Variants in INPP5E observed in about 807,000 individuals in gnomAD.
INPP5E encodes inositol polyphosphate-5-phosphatase E, also known as phosphatidylinositol polyphosphate 5-phosphatase type IV.
INPP5E carries 34 observed loss-of-function variants against 50.5 expected under a neutral mutation model. The observed-to-expected ratio is 0.67, with a 90% CI of 0.51 to 0.90. The LOEUF (loss-of-function observed/expected upper bound fraction) is 0.90, where lower values mean the gene tolerates loss of function less well. INPP5E is among the 40% of genes least tolerant of loss of function. INPP5E has a pLI of 0.00. For missense variants in INPP5E, 942 were observed against 905.5 expected (o/e 1.04, Z -0.52); for synonymous variants, 447 against 406.0 (o/e 1.10, Z -1.21).
At chr9:136,437,974 C>G in intron 1 of INPP5E, 1 of 158,238 alleles carries the variant, frequency 6.3e-6, no homozygotes, top group Non-Finnish European at 1.4e-5. Context: ...CTCAACACAT[C>G]TGGGGCCTCT....
At chr9:136,438,503 T>A in intron 1 of INPP5E, 105 bp downstream of exon 1, 2 of 1,013,682 alleles carry the variant, frequency 2.0e-6, no homozygotes, top group Non-Finnish European at 3.0e-6. Flanking sequence ...TCTTTCCGGT[T>A]AGGCATCTTA....
intron 9 of INPP5E, 43 bp downstream of exon 9, chr9:136,430,234 G>A (rs202207991): frequency 8.8e-5 from 136 of 1,549,898 alleles, no homozygotes; most frequent in Middle Eastern, 3.4e-4. Context: ...ACGACGGCAC[G>A]ACCCCCAGGC....
chr9:136,432,582 A>G lies in INPP5E; in HGVS notation c.1284T>C (p.Gly428=), dbSNP rs10870194. 0.44 allele frequency: 675,953 copies of G among 1,540,556 alleles called. 151,687 individuals are homozygous for G. The highest frequency in any genetic ancestry group is 0.55 in the Admixed American group (28,271 of 50,976). Residue 428 remains glycine (G), a synonymous_variant, in exon 6 of 10, where the codon GGT becomes GGC. Coordinates refer to ENST00000371712, the MANE Select transcript of INPP5E (RefSeq NM_019892.6). The part of the protein sequence containing the change: ...FLFITSHFTS[G]DGKVAERLLD... ...GCAGCCGCTCCGCCACCTTCCCGTCACCTGCTGTGGGAACAGAAATGGGGT... is the reference window on the plus strand; with the variant it reads ...GCAGCCGCTCCGCCACCTTCCCGTCGCCTGCTGTGGGAACAGAAATGGGGT...
At chr9:136,438,439 C>T in intron 1 of INPP5E, 169 bp downstream of exon 1, 1 of 662,450 alleles carries the variant, frequency 1.5e-6, no homozygotes, top group Non-Finnish European at 2.7e-6. Context: ...CTGGGAAGGG[C>T]GCTGCTGTGG....
chr9:136,432,716 C>T (rs1482350440), intron 5 of INPP5E, 130 bp from the exon 6 acceptor site: 12 of 894,618 alleles, frequency 1.3e-5, no homozygotes, highest in Non-Finnish European at 1.8e-5. Flanking sequence ...CATCCGCTGC[C>T]GGGCCCAGCC....
Position 136,429,383 on chromosome 9 carries a change from C to G in INPP5E, c.*292G>C, listed in dbSNP as rs760676645. The G allele has an allele frequency of 5.8e-6, 3 of 515,904 alleles. No individual in the cohort carries two copies. The highest frequency in any genetic ancestry group is 1.1e-5 in the Non-Finnish European group (3 of 283,640). The allele number at this position is 515,904 out of a possible 1,614,324, so 32.0% of individuals were successfully genotyped here. On this transcript the variant is annotated 3_prime_UTR_variant, in exon 10 of 10. Coordinates refer to ENST00000371712, the MANE Select transcript of INPP5E (RefSeq NM_019892.6). ...AGGAACGGATTCTGACGTCTGCCCC[C>G]GAGAGTGGCTGGGGTCCGTGGTGCT...
At chr9:136,436,997 G>A (rs903572065) in intron 1 of INPP5E, 2 of 152,332 alleles carry the variant, frequency 1.3e-5, no homozygotes, top group South Asian at 2.1e-4. Flanking sequence ...TACGTCAACC[G>A]GATCTAATTT....
chr9:136,433,136 C>T lies in INPP5E; in HGVS notation c.1159+19G>A. 6.2e-7 allele frequency: 1 copy of T among 1,609,794 alleles called. No individual in the cohort carries two copies. The highest frequency in any genetic ancestry group is 8.5e-7 in the Non-Finnish European group (1 of 1,179,788). ...CGCTGCCACCTTCCAGCCGCGCCCA[C>T]CCCTCCAGCCGCGCCCACCTGAGCA... On this transcript the variant is annotated intron_variant, in intron 4 of 9. Transcript: ENST00000371712.
intron 1 of INPP5E, 113 bp from the exon 2 acceptor site, chr9:136,434,976 A>C (rs910043968): frequency 1.2e-5 from 16 of 1,344,522 alleles, no homozygotes; most frequent in Non-Finnish European, 1.7e-5. Flanking sequence ...AGCTGCCCCC[A>C]GCCCCAAGCA....
At position 136,432,796 on chromosome 9, in the gene INPP5E, G is replaced by A. The variant is rs75696203; in HGVS notation, c.1279+160C>T. ...CACGCCCTCGGTGCCGGGGTCTGCC[G>A]GGGGTCCTTGGCGTGCATCTTAGCA... On this transcript the variant is annotated intron_variant, in intron 5 of 9. Transcript: ENST00000371712. 6.7e-3 allele frequency among the ~76,000 whole-genome samples: 1,015 copies of A among 152,252 alleles called. 12 individuals carry two copies. The highest frequency in any genetic ancestry group is 0.023 in the African/African-American group (954 of 41,560).
intron 8 of INPP5E, among the ~76,000 whole-genome samples, chr9:136,430,772 G>A (rs1385200636): frequency 2.0e-5 from 3 of 152,168 alleles, no homozygotes; most frequent in African/African-American, 4.8e-5. Flanking sequence ...GGCCGGAGGC[G>A]AGGGCATGGC....
chr9:136,434,974 C>A (rs983319628), intron 1 of INPP5E, 111 bp from the exon 2 acceptor site: 54 of 1,368,958 alleles, frequency 3.9e-5, no homozygotes, highest in Non-Finnish European at 5.1e-5. Flanking sequence ...GGAGCTGCCC[C>A]CAGCCCCAAG....
In INPP5E at chr9:136,430,383, C is replaced by T. The variant is rs1835671834; in HGVS notation, c.1696G>A (p.Gly566Ser). 6.4e-7 allele frequency: 1 copy of T among 1,557,498 alleles called. No individual in the cohort carries two copies. Among genetic ancestry groups the T allele is most frequent in the Non-Finnish European group, 8.7e-7 (1 of 1,149,620 alleles). The change falls in exon 9 of 10, where the codon GGT becomes AGT. Residue 566 changes from glycine (G) to serine (S), a missense_variant. Coordinates refer to ENST00000371712, the MANE Select transcript of INPP5E (RefSeq NM_019892.6). The part of the protein sequence containing the change: ...DRVLYRSRHK[G>S]DICPVSYSSC... ...GAGTAGCTCACAGGACAGATGTCAC[C>T]CTTGTGGCGGCTTCTGTACAAGACG...
At chr9:136,433,998 G>C in intron 3 of INPP5E, 39 bp downstream of exon 3, 1 of 1,509,488 alleles carries the variant, frequency 6.6e-7, no homozygotes, top group Middle Eastern at 1.9e-4. Context: ...AGAGACGGCA[G>C]CCCCTGGGCA....
chr9:136,438,782 T>A lies in INPP5E; in HGVS notation c.638A>T (p.Asp213Val). ...SDSLRTANKV[D>V]SDLADYKLRA... ...GAGCTTGTAGTCTGCAAGATCCGAG[T>A]CGACCTTGTTTGCTGTCCTCAGGGA... The change falls in exon 1 of 10, where the codon GAC becomes GTC. Residue 213 changes from aspartate to valine, a missense_variant. Physicochemically the swap from Asp to Val is radical, Grantham distance 152. Coordinates refer to ENST00000371712, the MANE Select transcript of INPP5E (RefSeq NM_019892.6). The A allele has an allele frequency of 6.2e-7, 1 of 1,612,058 alleles. No homozygotes were observed. Among genetic ancestry groups the A allele is most frequent in the Non-Finnish European group, 8.5e-7 (1 of 1,179,670 alleles).
chr9:136,433,361 G>A (rs1175403074), intron 3 of INPP5E, 82 bp from the exon 4 acceptor site: 70 of 1,492,612 alleles, frequency 4.7e-5, no homozygotes, highest in Admixed American at 1.1e-4. Context: ...AGAGCCCCTC[G>A]AGGAGCTACC....
At chr9:136,433,316 G>A in intron 3 of INPP5E, 37 bp from the exon 4 acceptor site, 1 of 1,551,726 alleles carries the variant, frequency 6.4e-7, no homozygotes, top group Admixed American at 1.9e-5. Flanking sequence ...GGGGGACATG[G>A]CCTCCCAGCT....
chr9:136,439,687 G>C lies in INPP5E; in HGVS notation c.-268C>G, dbSNP rs1835954403. The C allele has an allele frequency of 3.1e-6, 1 of 324,484 alleles. No homozygotes were observed. Among genetic ancestry groups the C allele is most frequent in the East Asian group, 4.8e-5 (1 of 20,864 alleles). 20.1% of individuals were successfully genotyped at this position (324,484 alleles called of 1,614,324 possible). Reference sequence around the variant, plus strand: ...AACAGGCGGCTGGGCGCCTGTCGCGGGGGAGGTTCGACCCCGACGGGGACG... The same window carrying C: ...AACAGGCGGCTGGGCGCCTGTCGCGCGGGAGGTTCGACCCCGACGGGGACG... On this transcript the variant is annotated 5_prime_UTR_variant, in exon 1 of 10. Coordinates refer to ENST00000371712, the MANE Select transcript of INPP5E (RefSeq NM_019892.6).
rs1477926483 is a variant in INPP5E at position 136,439,388 on chromosome 9, G to A, written c.32C>T (p.Ser11Phe). 2.0e-6 allele frequency: 3 copies of A among 1,464,166 alleles called. No individual in the cohort carries two copies. The highest frequency in any genetic ancestry group is 2.9e-5 in the East Asian group (1 of 34,162). 90.7% of individuals were successfully genotyped at this position (1,464,166 alleles called of 1,614,324 possible). MPSKAENLRPSEPAPQPPEGR... is the reference protein window; with the variant it reads MPSKAENLRPFEPAPQPPEGR... ...TTCCGGCGGCTGCGGGGCCGGCTCGGAGGGCCGCAGATTCTCCGCCTTGGA... is the reference window on the plus strand; with the variant it reads ...TTCCGGCGGCTGCGGGGCCGGCTCGAAGGGCCGCAGATTCTCCGCCTTGGA... Residue 11 changes from serine to phenylalanine, a missense_variant, in exon 1 of 10, where the codon TCC becomes TTC. Ser to Phe is a radical substitution (Grantham distance 155). Transcript: ENST00000371712.
Sources: gnomAD v4.1 joint callset for allele counts (sites outside exome capture counted in the v4.1 genomes callset) on GRCh38, gnomAD v4.1.1 for gene constraint, MANE v1.5 for transcripts, NCBI Gene and HGNC (gene_info 2026-07-23, HGNC 2026-07-21) for gene names.